Variants in DPP10 observed in about 807,000 individuals in gnomAD.
DPP10 encodes dipeptidyl peptidase like 10.
In DPP10, 33 loss-of-function variants were observed where a neutral mutation model predicts 120.9. The observed-to-expected ratio is 0.27, with a 90% CI of 0.21 to 0.37. The LOEUF (loss-of-function observed/expected upper bound fraction) is 0.37, where lower values mean the gene tolerates loss of function less well. DPP10 is among the 10% of genes least tolerant of loss of function. The probability of loss-of-function intolerance (pLI) is 1.00; values close to 1 mark genes in which losing one functional copy is unlikely to be tolerated. For missense variants in DPP10, 816 were observed against 942.8 expected, an observed-to-expected ratio of 0.87 and a Z score of 1.76; for synonymous variants, 337 against 326.1, an observed-to-expected ratio of 1.03 and a Z score of -0.36.
intron 1 of DPP10, among the ~76,000 whole-genome samples, chr2:114,942,350 CATATATATATACATATATAT>C (rs1697007022): frequency 8.8e-6 from 1 of 113,274 alleles, no homozygotes; most frequent in Non-Finnish European, 1.8e-5. Context: ...CGTATATATA[CATATATATATACATATATAT>C]ACACACACAT....
intron 1 of DPP10, among the ~76,000 whole-genome samples, chr2:115,017,392 T>C (rs1033641566): frequency 6.6e-6 from 1 of 152,134 alleles, no homozygotes; most frequent in African/African-American, 2.4e-5. Context: ...GGAACACTTT[T>C]ACACTGTTGG....
intron 1 of DPP10, among the ~76,000 whole-genome samples, chr2:114,736,735 G>A (rs1415331837): frequency 6.6e-6 from 1 of 152,158 alleles, no homozygotes; most frequent in Non-Finnish European, 1.5e-5. Context: ...TCTATACAGT[G>A]CAAATTGAGA....
chr2:115,064,885 G>A (rs964071337), intron 1 of DPP10: 15 of 1,263,830 alleles, frequency 1.2e-5, no homozygotes, highest in Middle Eastern at 4.4e-4. Flanking sequence ...TTATTCTCTT[G>A]TACTGAATTG....
intron 1 of DPP10, among the ~76,000 whole-genome samples, chr2:115,101,133 T>C (rs1338420434): frequency 6.6e-6 from 1 of 152,144 alleles, no homozygotes; most frequent in East Asian, 1.9e-4. Flanking sequence ...TTTGATGTAA[T>C]AGTGATGGAT....
chr2:114,688,349 C>G (rs949874186), intron 1 of DPP10, among the ~76,000 whole-genome samples: 1 of 151,790 alleles, frequency 6.6e-6, no homozygotes, highest in Admixed American at 6.6e-5. Context: ...TAATAATTCT[C>G]TTCTATTTTT....
chr2:114,830,370 C>G (rs1386622485), intron 1 of DPP10, among the ~76,000 whole-genome samples: 1 of 152,080 alleles, frequency 6.6e-6, no homozygotes, highest in African/African-American at 2.4e-5. Flanking sequence ...CTGTGCTGTT[C>G]ATTCAAGTTT....
intron 1 of DPP10, among the ~76,000 whole-genome samples, chr2:115,085,110 G>C (rs1312090744): frequency 6.6e-6 from 1 of 152,148 alleles, no homozygotes; most frequent in African/African-American, 2.4e-5. Flanking sequence ...TTGTAGCAAG[G>C]CTTAGACCAC....
intron 3 of DPP10, among the ~76,000 whole-genome samples, chr2:115,490,013 C>A (rs536783462): frequency 3.3e-5 from 5 of 152,118 alleles, no homozygotes; most frequent in African/African-American, 9.7e-5. Context: ...TTAACTCTTG[C>A]AACCAATTAC....
intron 12 of DPP10, among the ~76,000 whole-genome samples, chr2:115,765,424 G>T (rs1385694888): frequency 6.6e-6 from 1 of 151,958 alleles, no homozygotes; most frequent in African/African-American, 2.4e-5. Flanking sequence ...TTATGAGTTG[G>T]GACCTACTGT....
At chr2:114,462,014 T>G (rs1056343307) in intron 1 of DPP10, 1 of 985,246 alleles carries the variant, frequency 1.0e-6, no homozygotes, top group African/African-American at 1.7e-5. Context: ...TACAATATTC[T>G]TTCAAATTCA....
At chr2:115,233,237 GTGTT>G (rs941544288) in intron 1 of DPP10, among the ~76,000 whole-genome samples, 21 of 152,002 alleles carry the variant, frequency 1.4e-4, no homozygotes, top group Non-Finnish European at 2.9e-4. Context: ...GTGTGTGTGT[GTGTT>G]TATTACATGC....
chr2:115,771,653 C>T (rs1363934571), intron 13 of DPP10, among the ~76,000 whole-genome samples: 2 of 151,872 alleles, frequency 1.3e-5, no homozygotes, highest in Admixed American at 1.3e-4. Context: ...GACTTTTTAC[C>T]CCCTTTCCTT....
At chr2:114,752,526 G>C (rs1034639967) in intron 1 of DPP10, among the ~76,000 whole-genome samples, 1 of 152,176 alleles carries the variant, frequency 6.6e-6, no homozygotes, top group South Asian at 2.1e-4. Flanking sequence ...CCTGCCTATA[G>C]CTGTACAGTA....
chr2:114,683,538 T>TCCTC (rs1699164072), intron 1 of DPP10, among the ~76,000 whole-genome samples: 1 of 147,682 alleles, frequency 6.8e-6, no homozygotes, highest in South Asian at 2.2e-4. Flanking sequence ...CTTCCTTCCT[T>TCCTC]CCTTCCTCCC....
intron 13 of DPP10, 25 bp from the exon 14 acceptor site, chr2:115,777,183 A>G (rs1682204615): frequency 1.2e-6 from 2 of 1,605,744 alleles, no homozygotes; most frequent in East Asian, 4.5e-5. Context: ...TGAAAGGAAA[A>G]TCAATATTTT....
intron 3 of DPP10, among the ~76,000 whole-genome samples, chr2:115,486,176 T>C (rs2075766450): frequency 6.6e-6 from 1 of 152,154 alleles, no homozygotes; most frequent in African/African-American, 2.4e-5. Context: ...CTTTTTCTTC[T>C]ATCACCTTTT....
chr2:115,471,802 T>TTGTTA, intron 3 of DPP10, among the ~76,000 whole-genome samples: 1 of 97,298 alleles, frequency 1.0e-5, no homozygotes, highest in Middle Eastern at 5.3e-3. Context: ...TGTTGTTGTT[T>TTGTTA]AGAGACAAGG....
chr2:115,286,526 A>ATATATGTATATATATAT (rs10675008), intron 1 of DPP10, among the ~76,000 whole-genome samples: 1 of 60,946 alleles, frequency 1.6e-5, no homozygotes, highest in Non-Finnish European at 3.3e-5. Context: ...ATATATATAT[A>ATATATGTATATATATAT]ATATATATAT....
At position 115,173,378 on chromosome 2, in the gene DPP10, AT is replaced by A. The variant is rs1320247115; in HGVS notation, c.61-135859del. On this transcript the variant is annotated intron_variant, in intron 1 of 25. Transcript: ENST00000410059. ...CAGGACAAAGCCATCATGATATAAA[AT>A]TGCTGGTTTGAAGATGTGCAGCATA... Among the ~76,000 whole-genome samples the A allele has an allele frequency of 2.0e-5, 3 of 152,310 alleles. No homozygotes were observed. In the South Asian group the frequency reaches 6.2e-4, roughly 32 times the overall value.
Sources: allele counts gnomAD v4.1 joint callset (sites outside exome capture counted in the v4.1 genomes callset), GRCh38; gene constraint gnomAD v4.1.1; transcripts MANE v1.5; gene names NCBI Gene and HGNC (gene_info 2026-07-23, HGNC 2026-07-21).